LRCH1: variants seen among roughly 807,000 people sequenced by gnomAD.
LRCH1 encodes leucine rich repeats and calponin homology domain containing 1.
LRCH1 carries 23 observed loss-of-function variants against 94.9 expected under a neutral mutation model. The ratio of observed to expected loss-of-function variants is 0.24; its 90% CI spans 0.17 to 0.34. The LOEUF is 0.34. Ranked by LOEUF, LRCH1 falls within the 10% of genes least tolerant of loss-of-function variation. The pLI, the probability that LRCH1 is intolerant of heterozygous loss-of-function variation, is 1.00. For synonymous variants in LRCH1, 364 were observed against 354.9 expected, an observed-to-expected ratio of 1.03 and a Z score of -0.29; for missense variants, 790 against 945.9, an observed-to-expected ratio of 0.84 and a Z score of 2.16.
At chr13:46,563,272 C>T (rs1053358635) in intron 1 of LRCH1, among the ~76,000 whole-genome samples, 1 of 152,112 alleles carries the variant, frequency 6.6e-6, no homozygotes, top group Admixed American at 6.5e-5. Context: ...TTGAAAGTCC[C>T]TTACACATAC....
In LRCH1 at chr13:46,606,201, A is replaced by G. The variant is rs144479367; in HGVS notation, c.308-44000A>G. On this transcript the variant is annotated intron_variant, in intron 1 of 19. Transcript: ENST00000389797. ...GTGTATAAGTCGTTCTAAAGTACTT[A>G]ACCTTCTGAAATCTTATTTTGACCA... is the stretch of plus-strand genomic sequence containing the variant. Among the ~76,000 whole-genome samples the G allele has an allele frequency of 2.8e-3, 423 of 151,766 alleles. 6 individuals are homozygous for G. Among genetic ancestry groups the G allele is most frequent in the African/African-American group, 9.7e-3 (401 of 41,230 alleles).
At chr13:46,593,573 T>A (rs771909492) in intron 1 of LRCH1, among the ~76,000 whole-genome samples, 1 of 152,156 alleles carries the variant, frequency 6.6e-6, no homozygotes, top group Non-Finnish European at 1.5e-5. Flanking sequence ...AGTGAGGATA[T>A]GTTTTGAGTA....
chr13:46,571,502 C>T (rs1050709939), intron 1 of LRCH1, among the ~76,000 whole-genome samples: 11 of 152,264 alleles, frequency 7.2e-5, no homozygotes, highest in South Asian at 6.2e-4. Flanking sequence ...TTTCTCGAAG[C>T]GGGCTAGGCG....
intron 1 of LRCH1, among the ~76,000 whole-genome samples, chr13:46,575,626 T>C (rs1234504800): frequency 1.3e-5 from 2 of 152,064 alleles, no homozygotes; most frequent in Non-Finnish European, 2.9e-5. Context: ...CTGTTGCTTG[T>C]CAGCTTCTTG....
Position 46,742,196 on chromosome 13 carries a change from C to T in LRCH1, c.*348C>T, listed in dbSNP as rs1483664170. Reference sequence around the variant, plus strand: ...GGCAGAGGGGAGGAGAATTCCAGGACAAGAGTGTCAAGGACAGGGATTTAG... The same window carrying T: ...GGCAGAGGGGAGGAGAATTCCAGGATAAGAGTGTCAAGGACAGGGATTTAG... On this transcript the variant is annotated 3_prime_UTR_variant, in exon 20 of 20. Transcript: ENST00000389797. The T allele has an allele frequency of 6.2e-6, 7 of 1,137,010 alleles. No individual in the cohort carries two copies. In the East Asian group the frequency reaches 3.7e-4, roughly 59 times the overall value. 70.4% of individuals were successfully genotyped at this position (1,137,010 alleles called of 1,614,324 possible).
chr13:46,709,664 A>T (rs1871956766), intron 13 of LRCH1, among the ~76,000 whole-genome samples: 1 of 152,080 alleles, frequency 6.6e-6, no homozygotes, highest in Non-Finnish European at 1.5e-5. Context: ...AAAAAAAAAG[A>T]TACTTTTATT....
Position 46,715,643 on chromosome 13 carries a change from T to C in LRCH1, c.1738T>C (p.Ser580Pro), listed in dbSNP as rs1435336981. The C allele has an allele frequency of 2.0e-6, 3 of 1,536,232 alleles. No individual in the cohort carries two copies. Among genetic ancestry groups the C allele is most frequent in the Non-Finnish European group, 2.6e-6 (3 of 1,146,068 alleles). The part of the protein sequence containing the change: ...TWDSSSYSVP[S>P]EGDSDNVFLR... ...GGACAGCTCTAGCTACAGTGTTCCA[T>C]CTGAAGGAGACAGTGACAATGGTAG... Residue 580 changes from serine (S) to proline (P), a missense_variant, in exon 16 of 20, where the codon TCT becomes CCT. Physicochemically the swap from Ser to Pro is moderately conservative, Grantham distance 74. This residue lies in a region of LRCH1 where 460 missense variants were observed against 508.9 expected (regional missense o/e 0.90). Transcript: ENST00000389797.
intron 1 of LRCH1, among the ~76,000 whole-genome samples, chr13:46,592,954 C>T (rs756930301): frequency 2.0e-5 from 3 of 152,018 alleles, no homozygotes; most frequent in Non-Finnish European, 4.4e-5. Context: ...ACCACCTGTC[C>T]TCCTATGTCC....
chr13:46,711,759 G>T (rs767471585), intron 13 of LRCH1, 32 bp from the exon 14 acceptor site: 2 of 1,586,132 alleles, frequency 1.3e-6, no homozygotes, highest in East Asian at 4.5e-5. Flanking sequence ...CAGTCTAATG[G>T]AACATACCAT....
rs1229826750 is a variant in LRCH1, at chr13:46,706,720, ATAATTT to A, written c.1527+1420_1527+1425del. Among the ~76,000 whole-genome samples the A allele has an allele frequency of 4.0e-5, 6 of 151,594 alleles. No individual in the cohort carries two copies. The East Asian group carries it at 1.2e-3, about 29-fold the overall frequency. On this transcript the variant is annotated intron_variant, in intron 13 of 19. Transcript: ENST00000389797. The stretch of plus-strand genomic sequence containing the variant: ...TTACAGGTGGCTCACACCTGTAATA[ATAATTT>A]TAAACATGAAAATAATTTTAAACTT...
intron 1 of LRCH1, among the ~76,000 whole-genome samples, chr13:46,567,791 C>A (rs2050200855): frequency 6.6e-6 from 1 of 152,162 alleles, no homozygotes; most frequent in Admixed American, 6.5e-5. Context: ...CCTGCACAGG[C>A]TAAGTCCTTG....
At chr13:46,704,288 A>G (rs1871636723) in intron 11 of LRCH1, among the ~76,000 whole-genome samples, 1 of 152,032 alleles carries the variant, frequency 6.6e-6, no homozygotes, top group South Asian at 2.1e-4. Flanking sequence ...TTTTTCTTTT[A>G]TCTCACATTT....
Position 46,714,134 on chromosome 13 carries a change from C to T in LRCH1, c.1655-1426C>T, listed in dbSNP as rs562576881. ...TTGTAGCAGTGAAAAATAAATGGAG[C>T]TTTTATTTTGAATAGCAGAAAACAA... is the stretch of plus-strand genomic sequence containing the variant. On this transcript the variant is annotated intron_variant, in intron 15 of 19. Transcript: ENST00000389797. Among the ~76,000 whole-genome samples the T allele has an allele frequency of 1.8e-4, 27 of 152,258 alleles. No individual in the cohort carries two copies. The South Asian group carries it at 4.6e-3, about 26-fold the overall frequency.
At chr13:46,573,866 A>ATATATATATATATATATTTATTTTT in intron 1 of LRCH1, among the ~76,000 whole-genome samples, 1 of 63,420 alleles carries the variant, frequency 1.6e-5, no homozygotes, top group African/African-American at 5.2e-5. Context: ...ATATATATAT[A>ATATATATATATATATATTTATTTTT]TTTTTTTTTT....
intron 2 of LRCH1, among the ~76,000 whole-genome samples, chr13:46,666,758 A>G (rs114864501): frequency 2.6e-5 from 4 of 152,334 alleles, no homozygotes; most frequent in African/African-American, 9.6e-5. Context: ...ACCTTTTAAT[A>G]AACTGAGTTC....
At chr13:46,561,847 T>G (rs1047531977) in intron 1 of LRCH1, among the ~76,000 whole-genome samples, 1 of 152,174 alleles carries the variant, frequency 6.6e-6, no homozygotes, top group Non-Finnish European at 1.5e-5. Context: ...ACAAACAGCC[T>G]CCCTATCAGC....
rs1234142831 is a variant in LRCH1 at position 46,665,330 on chromosome 13, A to G, written c.453-3700A>G. Among the ~76,000 whole-genome samples, 7 of 152,312 alleles carry G rather than the reference A, an allele frequency of 4.6e-5. No homozygotes were observed. The South Asian group carries it at 1.5e-3, about 32-fold the overall frequency. On this transcript the variant is annotated intron_variant, in intron 2 of 19. Coordinates refer to ENST00000389797, the MANE Select transcript of LRCH1 (RefSeq NM_001164211.2). ...GCCATAGTCAAAATACATCAAAATA[A>G]TACTCTAAAAGTAAAACCAGAAAAA...
intron 1 of LRCH1, among the ~76,000 whole-genome samples, chr13:46,642,477 G>A (rs537027446): frequency 6.6e-6 from 1 of 152,142 alleles, no homozygotes; most frequent in Non-Finnish European, 1.5e-5. Context: ...GCCTCGCTAG[G>A]TTGTGATGAG....
chr13:46,716,396 C>T (rs1872324421), intron 16 of LRCH1, among the ~76,000 whole-genome samples: 1 of 152,138 alleles, frequency 6.6e-6, no homozygotes, highest in South Asian at 2.1e-4. Flanking sequence ...ATATCGTAAT[C>T]TCCATTCTAG....
Sources: gnomAD v4.1 joint callset for allele counts (sites outside exome capture counted in the v4.1 genomes callset) on GRCh38, gnomAD v4.1.1 for gene constraint, gnomAD v4.1.1 regional missense constraint, MANE v1.5 for transcripts, NCBI Gene and HGNC (gene_info 2026-07-23, HGNC 2026-07-21) for gene names.